The following NFE2L2 variants were observed in gnomAD, a reference collection of about 807,000 sequenced individuals.
NFE2L2 encodes NFE2 like bZIP transcription factor 2.
In NFE2L2, 20 loss-of-function variants were observed where a neutral mutation model predicts 49.6. That is an observed-to-expected ratio of 0.40 (90% CI 0.28 to 0.59). NFE2L2 has a LOEUF of 0.59. NFE2L2 is among the 20% of genes least tolerant of loss of function. NFE2L2 has a pLI of 0.40. For missense variants in NFE2L2, 578 were observed against 714.2 expected (o/e 0.81, Z 2.17); for synonymous variants, 244 against 256.5 (o/e 0.95, Z 0.47).
At chr2:177,233,860 A>C in intron 2 of NFE2L2, 145 bp downstream of exon 2, 1 of 1,066,938 alleles carries the variant, frequency 9.4e-7, no homozygotes, top group Middle Eastern at 3.1e-4. Flanking sequence ...TACTGAACTC[A>C]TCAGGAGGCT....
Position 177,243,464 on chromosome 2 carries a change from T to A in NFE2L2, c.46-9193A>T, listed in dbSNP as rs887074490. Among the ~76,000 whole-genome samples, 4 of 152,322 alleles carry A rather than the reference T, an allele frequency of 2.6e-5. No homozygotes were observed. In the East Asian group the frequency reaches 7.7e-4, roughly 29 times the overall value. ...AGTGATCCTTTACCCTCTCTTTTGA[T>A]CCTGGATTTGTAAAGATAAATGTAA... On this transcript the variant is annotated intron_variant, in intron 1 of 4. Transcript: ENST00000397062.
intron 1 of NFE2L2, among the ~76,000 whole-genome samples, chr2:177,253,126 G>A (rs1690401173): frequency 6.6e-6 from 1 of 152,214 alleles, no homozygotes; most frequent in African/African-American, 2.4e-5. Context: ...GCTTCCAGCT[G>A]AAGCCTGAAC....
At chr2:177,261,516 C>G (rs1027132822) in intron 1 of NFE2L2, among the ~76,000 whole-genome samples, 8 of 152,164 alleles carry the variant, frequency 5.3e-5, no homozygotes, top group Non-Finnish European at 1.0e-4. Flanking sequence ...CCCCAGGAGT[C>G]AAACCTGTTT....
chr2:177,232,324 A>T, intron 4 of NFE2L2, 68 bp downstream of exon 4: 2 of 1,400,574 alleles, frequency 1.4e-6, no homozygotes, highest in Non-Finnish European at 1.9e-6. Context: ...GTGGTATATA[A>T]ATAATCAGAA....
At chr2:177,232,930 T>A in intron 3 of NFE2L2, 1 of 484,398 alleles carries the variant, frequency 2.1e-6, no homozygotes, top group Non-Finnish European at 3.6e-6. Flanking sequence ...CCCAGCTGGC[T>A]CTTTACTCAC....
chr2:177,232,949 T>G (rs1285920222), intron 3 of NFE2L2: 1 of 491,988 alleles, frequency 2.0e-6, no homozygotes, highest in African/African-American at 2.0e-5. Context: ...ACCAAACCTC[T>G]TAGATACTTG....
Position 177,230,320 on chromosome 2 carries a change from A to C in NFE2L2, c.*465T>G, listed in dbSNP as rs1689491578. On this transcript the variant is annotated 3_prime_UTR_variant, in exon 5 of 5. Coordinates refer to ENST00000397062, the MANE Select transcript of NFE2L2 (RefSeq NM_006164.5). Reference sequence around the variant, plus strand: ...CCCAAACAAATAATTTAACAGTCATAATAATCCTTTATTAGTACCAGCTCT... The same window carrying C: ...CCCAAACAAATAATTTAACAGTCATCATAATCCTTTATTAGTACCAGCTCT... The C allele has an allele frequency of 4.3e-6, 1 of 230,740 alleles. No individual in the cohort carries two copies. The highest frequency in any genetic ancestry group is 1.8e-4 in the South Asian group (1 of 5,520). 14.3% of individuals were successfully genotyped at this position (230,740 alleles called of 1,614,324 possible). A position where few individuals can be genotyped will look rare whatever the true frequency, so the allele number is the denominator to read the frequency against.
chr2:177,256,429 A>C (rs1445414703), intron 1 of NFE2L2, among the ~76,000 whole-genome samples: 1 of 149,912 alleles, frequency 6.7e-6, no homozygotes, highest in Non-Finnish European at 1.5e-5. Context: ...TATTGTCCTC[A>C]TATTAAGGTC....
intron 1 of NFE2L2, among the ~76,000 whole-genome samples, chr2:177,252,000 C>CA (rs3082509): frequency 0.08 from 8,396 of 104,472 alleles, 1,254 homozygotes; most frequent in African/African-American, 0.28. Context: ...GACTCTGTCT[C>CA]AAAAAAAAAA....
chr2:177,239,790 C>A (rs1056945207), intron 1 of NFE2L2, among the ~76,000 whole-genome samples: 1 of 152,012 alleles, frequency 6.6e-6, no homozygotes, highest in Non-Finnish European at 1.5e-5. Flanking sequence ...TTTGGATTCC[C>A]AAAAACAGAC....
intron 1 of NFE2L2, among the ~76,000 whole-genome samples, chr2:177,253,844 T>C (rs558080529): frequency 3.3e-5 from 5 of 152,320 alleles, no homozygotes; most frequent in Non-Finnish European, 7.3e-5. Flanking sequence ...AGAGAACAAA[T>C]GTGATAATAT....
At chr2:177,250,346 A>T (rs1369086482) in intron 1 of NFE2L2, among the ~76,000 whole-genome samples, 1 of 152,178 alleles carries the variant, frequency 6.6e-6, no homozygotes, top group Non-Finnish European at 1.5e-5. Context: ...ACATGTATGA[A>T]CCCACTAAAT....
At chr2:177,243,729 T>G (rs994901599) in intron 1 of NFE2L2, among the ~76,000 whole-genome samples, 2 of 152,148 alleles carry the variant, frequency 1.3e-5, no homozygotes, top group African/African-American at 4.8e-5. Context: ...GGTCTCAAAT[T>G]CTTGGCCCCA....
chr2:177,241,762 G>C (rs1015657840), intron 1 of NFE2L2, among the ~76,000 whole-genome samples: 1 of 151,964 alleles, frequency 6.6e-6, no homozygotes, highest in African/African-American at 2.4e-5. Context: ...AACTGATGTG[G>C]GAGGATCACT....
rs1385236228 is a variant in NFE2L2, at chr2:177,264,714, G to A, written c.-138C>T. On this transcript the variant is annotated 5_prime_UTR_variant, in exon 1 of 5. Coordinates refer to ENST00000397062, the MANE Select transcript of NFE2L2 (RefSeq NM_006164.5). Reference sequence around the variant, plus strand: ...CGTCGGCGGCTCCTCCGGGCTCCCCGGCACTCGGTAATCGGCTACACGCCG... The same window carrying A: ...CGTCGGCGGCTCCTCCGGGCTCCCCAGCACTCGGTAATCGGCTACACGCCG... 4.1e-5 allele frequency: 28 copies of A among 686,102 alleles called. No individual in the cohort carries two copies. The highest frequency in any genetic ancestry group is 3.4e-4 in the East Asian group (10 of 29,052). 42.5% of individuals were successfully genotyped at this position (686,102 alleles called of 1,614,324 possible).
At chr2:177,256,499 CAAAAAAAA>C (rs35073132) in intron 1 of NFE2L2, among the ~76,000 whole-genome samples, 8 of 75,094 alleles carry the variant, frequency 1.1e-4, no homozygotes, top group East Asian at 5.0e-4. Context: ...TACATTCTTG[CAAAAAAAA>C]AAAAAAAAAA....
intron 1 of NFE2L2, among the ~76,000 whole-genome samples, chr2:177,260,189 T>C (rs1690679746): frequency 6.6e-6 from 1 of 152,232 alleles, no homozygotes; most frequent in South Asian, 2.1e-4. Context: ...AAACTTATAA[T>C]GAATATACAT....
At chr2:177,255,608 G>A (rs563699007) in intron 1 of NFE2L2, among the ~76,000 whole-genome samples, 1 of 152,248 alleles carries the variant, frequency 6.6e-6, no homozygotes, top group South Asian at 2.1e-4. Flanking sequence ...TGCCTGGGCT[G>A]GAGTACAGTG....
intron 1 of NFE2L2, among the ~76,000 whole-genome samples, chr2:177,261,095 C>T (rs1455468548): frequency 6.8e-6 from 1 of 147,016 alleles, no homozygotes; most frequent in East Asian, 2.0e-4. Context: ...CACTTGAACC[C>T]GGGAAGTAGA....
Sources: gnomAD v4.1 joint callset for allele counts (sites outside exome capture counted in the v4.1 genomes callset) on GRCh38, gnomAD v4.1.1 for gene constraint, MANE v1.5 for transcripts, NCBI Gene and HGNC (gene_info 2026-07-23, HGNC 2026-07-21) for gene names.